The following MAP4K1 variants were observed in gnomAD, a reference collection of about 807,000 sequenced individuals.
MAP4K1 encodes the protein mitogen-activated protein kinase kinase kinase kinase 1.
MAP4K1 carries 35 observed loss-of-function variants against 122.8 expected under a neutral mutation model. That is an observed-to-expected ratio of 0.29 (90% CI 0.22 to 0.38). MAP4K1 has a LOEUF of 0.38. Among genes scored for constraint, MAP4K1 ranks in the 10% least tolerant of loss-of-function variants. The pLI is 1.00. For missense variants in MAP4K1, 791 were observed against 1,072.6 expected (o/e 0.74, Z 3.67); for synonymous variants, 412 against 421.3 (o/e 0.98, Z 0.27).
intron 13 of MAP4K1, among the ~76,000 whole-genome samples, chr19:38,608,828 A>AAAAAAAAAAAAAAAAAAAAAAAAAC (rs1555811720): frequency 1.5e-5 from 2 of 137,138 alleles, no homozygotes; most frequent in Admixed American, 7.4e-5. Flanking sequence ...AAAAAAAAAA[A>AAAAAAAAAAAAAAAAAAAAAAAAAC]ACATTAGCCA....
intron 30 of MAP4K1, 29 bp downstream of exon 30, chr19:38,593,253 G>T (rs1421316314): frequency 6.2e-7 from 1 of 1,605,458 alleles, no homozygotes. Context: ...CCCCTCCCAG[G>T]TCCTTCTGCA....
In MAP4K1 at chr19:38,609,940, G is replaced by T; in HGVS notation, c.896C>A (p.Ser299Tyr). The T allele has an allele frequency of 6.2e-7, 1 of 1,614,202 alleles. No homozygotes were observed. Among genetic ancestry groups the T allele is most frequent in the Non-Finnish European group, 8.5e-7 (1 of 1,180,014 alleles). The change falls in exon 12 of 31, where the codon TCC (serine) becomes TAC (tyrosine). Residue 299 changes from serine to tyrosine, a missense_variant. Around this residue, in one of 4 missense-constraint regions of MAP4K1, gnomAD observed 303 missense variants for 344.8 expected, o/e 0.88. Transcript: ENST00000396857. ...CTCCTCATCCTCAATGTCCCCAATG[G>T]AGGGTCCTTTCCCGGGATTCTTCAG... ...DKLKNPGKGP[S>Y]IGDIEDEEPE...
At chr19:38,591,578 C>T (rs1974728732) in intron 30 of MAP4K1, among the ~76,000 whole-genome samples, 1 of 150,080 alleles carries the variant, frequency 6.7e-6, no homozygotes, top group Non-Finnish European at 1.5e-5. Flanking sequence ...GGGATTTTTG[C>T]AACTTCTCTG....
chr19:38,606,353 C>A, intron 16 of MAP4K1, 138 bp from the exon 17 acceptor site: 1 of 574,030 alleles, frequency 1.7e-6, no homozygotes, highest in South Asian at 2.2e-5. Flanking sequence ...CTGCCTGGAG[C>A]AGAGGATTAA....
At chr19:38,594,416 G>A (rs1366588833) in intron 29 of MAP4K1, among the ~76,000 whole-genome samples, 1 of 152,072 alleles carries the variant, frequency 6.6e-6, no homozygotes, top group African/African-American at 2.4e-5. Flanking sequence ...GAGGCGGGCA[G>A]ATCACTTGAG....
At chr19:38,596,248 G>A (rs1974874156) in intron 26 of MAP4K1, 64 bp downstream of exon 26, 1 of 1,476,148 alleles carries the variant, frequency 6.8e-7, no homozygotes, top group African/African-American at 1.4e-5. Context: ...GCGAAGCCCC[G>A]CCTCCAGCTC....
chr19:38,608,803 A>AG (rs1975408407), intron 13 of MAP4K1, among the ~76,000 whole-genome samples: 1 of 141,490 alleles, frequency 7.1e-6, no homozygotes, highest in Non-Finnish European at 1.5e-5. Context: ...CCGTCTCAAA[A>AG]AAAAAAAAAA....
At chr19:38,601,645 G>C (rs1290934025) in intron 19 of MAP4K1, 120 bp from the exon 20 acceptor site, 17 of 688,864 alleles carry the variant, frequency 2.5e-5, no homozygotes, top group Middle Eastern at 3.3e-4. Flanking sequence ...CTCTTACCTT[G>C]GTGCAATTTC....
chr19:38,599,397 C>T (rs370932933), intron 22 of MAP4K1, among the ~76,000 whole-genome samples: 2 of 148,464 alleles, frequency 1.3e-5, no homozygotes, highest in Non-Finnish European at 1.5e-5. Context: ...TGTGGTGGCT[C>T]ATGCCTGTAA....
At position 38,602,795 on chromosome 19, in the gene MAP4K1, CACATACATAT is replaced by C. The variant is rs1208107533; in HGVS notation, c.1447-1280_1447-1271del. Among the ~76,000 whole-genome samples, 4 of 138,932 alleles carry C rather than the reference CACATACATAT, an allele frequency of 2.9e-5. No homozygotes were observed. The East Asian group carries it at 9.7e-4, about 34-fold the overall frequency. 91.1% of individuals were successfully genotyped at this position (138,932 alleles called of 152,430 possible). ...ATATATACACATATACATATATACA[CACATACATAT>C]ATACATATATACACATGTACATATA... is the stretch of plus-strand genomic sequence containing the variant. On this transcript the variant is annotated intron_variant, in intron 19 of 30. Transcript: ENST00000396857.
At chr19:38,601,381 C>T in intron 20 of MAP4K1, 60 bp downstream of exon 20, 7 of 1,468,444 alleles carry the variant, frequency 4.8e-6, no homozygotes, top group Non-Finnish European at 6.5e-6. Flanking sequence ...GGCTTCTCCC[C>T]ACCCCTACTT....
At chr19:38,595,818 G>T in intron 27 of MAP4K1, 89 bp from the exon 28 acceptor site, 1 of 1,490,490 alleles carries the variant, frequency 6.7e-7, no homozygotes, top group Non-Finnish European at 9.3e-7. Context: ...TGAAAGCTAT[G>T]TAGGACAGGG....
chr19:38,602,954 A>ACATG (rs1975159366), intron 19 of MAP4K1, among the ~76,000 whole-genome samples: 1 of 140,576 alleles, frequency 7.1e-6, no homozygotes, highest in Non-Finnish European at 1.5e-5. Context: ...ACATATATAC[A>ACATG]CACATATACA....
chr19:38,609,736 G>A, intron 12 of MAP4K1, 62 bp from the exon 13 acceptor site: 2 of 1,466,562 alleles, frequency 1.4e-6, no homozygotes, highest in Non-Finnish European at 1.9e-6. Context: ...ACCCTGCCCG[G>A]GGTCCATCTG....
intron 11 of MAP4K1, among the ~76,000 whole-genome samples, chr19:38,610,846 T>C (rs1007104961): frequency 7.2e-5 from 11 of 152,086 alleles, no homozygotes; most frequent in Admixed American, 7.2e-4. Context: ...ATTTGTCAGT[T>C]CCGGCAACTC....
In MAP4K1 at chr19:38,596,489, G is replaced by A. The variant is rs752240336; in HGVS notation, c.1942-3C>T. ...GTCGGCAGTGGGAACAGCACCTGCT[G>A]CGGGCCGCACAGGGAGGGGCGGGCT... On this transcript the variant is annotated splice_polypyrimidine_tract_variant and splice_region_variant and intron_variant, in intron 25 of 30. Coordinates refer to ENST00000396857, the MANE Select transcript of MAP4K1 (RefSeq NM_001042600.3). 51 of 1,549,296 alleles carry A rather than the reference G, an allele frequency of 3.3e-5. No homozygotes were observed. The highest frequency in any genetic ancestry group is 5.9e-5 in the South Asian group (5 of 85,234).
chr19:38,617,221 G>A lies in MAP4K1; in HGVS notation c.248+133C>T, dbSNP rs1975672233. ...GATCATGCCACTGCACTCCAGCCTG[G>A]CAACAGAACAAGACTCCATCTCAAA... On this transcript the variant is annotated intron_variant, in intron 3 of 30. Transcript: ENST00000396857. This position sits in a 1 kb window ranked among gnomAD's most constrained non-coding sequence, Gnocchi z 4.1. The A allele has an allele frequency of 9.1e-6, 6 of 662,090 alleles. No homozygotes were observed. The highest frequency in any genetic ancestry group is 1.6e-5 in the Non-Finnish European group (6 of 376,454). The allele number at this position is 662,090 out of a possible 1,614,324, so 41.0% of individuals were successfully genotyped here. A position where few individuals can be genotyped will look rare whatever the true frequency, so the allele number is the denominator to read the frequency against.
chr19:38,598,459 G>A (rs769921161), intron 22 of MAP4K1, among the ~76,000 whole-genome samples: 2 of 152,074 alleles, frequency 1.3e-5, no homozygotes. Context: ...CTCCCGAGTA[G>A]CTGGAACCAT....
chr19:38,602,605 T>A (rs541010991), intron 19 of MAP4K1, among the ~76,000 whole-genome samples: 11 of 148,826 alleles, frequency 7.4e-5, no homozygotes, highest in Non-Finnish European at 1.6e-4. Flanking sequence ...TATACGCATA[T>A]ACATATATAT....
Sources: gnomAD v4.1 joint callset for allele counts (sites outside exome capture counted in the v4.1 genomes callset) on GRCh38, gnomAD v4.1.1 for gene constraint, gnomAD v4.1.1 regional missense constraint, Gnocchi (gnomAD v3.1) non-coding constraint, MANE v1.5 for transcripts, NCBI Gene and HGNC (gene_info 2026-07-23, HGNC 2026-07-21) for gene names.